Variants in GLRX3 observed in about 807,000 individuals in gnomAD.
GLRX3 encodes glutaredoxin 3, also known as glutaredoxin-3.
GLRX3 carries 22 observed loss-of-function variants against 49.5 expected under a neutral mutation model. That is an observed-to-expected ratio of 0.44 (90% CI 0.32 to 0.63). The LOEUF is 0.63. Among genes scored for constraint, GLRX3 ranks in the 30% least tolerant of loss-of-function variants. GLRX3 has a pLI of 0.05. For missense variants in GLRX3, 385 were observed against 396.3 expected, an observed-to-expected ratio of 0.97 and a Z score of 0.24; for synonymous variants, 133 against 140.0, an observed-to-expected ratio of 0.95 and a Z score of 0.35.
chr10:130,176,790 CTCTA>C (rs1444480875), intron 10 of GLRX3, among the ~76,000 whole-genome samples: 51 of 135,704 alleles, frequency 3.8e-4, no homozygotes, highest in African/African-American at 1.2e-3. Flanking sequence ...CTCTCTCTCT[CTCTA>C]TATATATATA....
intron 2 of GLRX3, among the ~76,000 whole-genome samples, chr10:130,148,236 A>T (rs1174874416): frequency 6.6e-6 from 1 of 151,838 alleles, no homozygotes; most frequent in Non-Finnish European, 1.5e-5. Flanking sequence ...AGGCTCAAGC[A>T]ATTTCTCCAC....
intron 6 of GLRX3, 28 bp from the exon 7 acceptor site, chr10:130,169,405 C>G: frequency 6.7e-7 from 1 of 1,495,722 alleles, no homozygotes; most frequent in Middle Eastern, 1.7e-4. Context: ...TTGAGCTGAG[C>G]CGTTTTATAT....
rs772072306 is a variant in GLRX3 at position 130,160,013 on chromosome 10, C to T, written c.220C>T (p.Pro74Ser). 1 of 1,594,384 alleles carries T rather than the reference C, an allele frequency of 6.3e-7. No homozygotes were observed. Among genetic ancestry groups the T allele is most frequent in the Non-Finnish European group, 8.6e-7 (1 of 1,162,156 alleles). Residue 74 changes from proline to serine, a missense_variant, in exon 3 of 11, where the codon CCT becomes TCT. Around this residue, in one of 2 missense-constraint regions of GLRX3, gnomAD observed 374 missense variants for 358.6 expected, o/e 1.04. Coordinates refer to ENST00000331244, the MANE Select transcript of GLRX3 (RefSeq NM_006541.5). ...TTTAAAGTTGGAAGCTGAAGGTGTT[C>T]CTGAAGTATCTGAAAAATATGAAAT... ...SFVKLEAEGV[P>S]EVSEKYEISS...
At chr10:130,157,577 C>T (rs1862500900) in intron 2 of GLRX3, among the ~76,000 whole-genome samples, 1 of 138,676 alleles carries the variant, frequency 7.2e-6, no homozygotes, top group Non-Finnish European at 1.5e-5. Context: ...ATGCCAGTCT[C>T]TTCCCAAAAC....
chr10:130,149,069 T>C (rs1862321947), intron 2 of GLRX3, among the ~76,000 whole-genome samples: 1 of 151,742 alleles, frequency 6.6e-6, no homozygotes, highest in Admixed American at 6.6e-5. Context: ...TAAAAAAAAA[T>C]TAAAAAGTGC....
chr10:130,149,789 T>C (rs1862336996), intron 2 of GLRX3, among the ~76,000 whole-genome samples: 2 of 151,414 alleles, frequency 1.3e-5, no homozygotes, highest in African/African-American at 4.8e-5. Flanking sequence ...TTTTTTTTTT[T>C]GGTCTCTGTG....
chr10:130,173,452 A>G (rs866829843), intron 8 of GLRX3, among the ~76,000 whole-genome samples: 2 of 152,200 alleles, frequency 1.3e-5, no homozygotes, highest in East Asian at 3.8e-4. Context: ...CGCCAAATGT[A>G]TGTGGAGAAA....
chr10:130,178,834 G>C (rs1862971318), intron 10 of GLRX3, among the ~76,000 whole-genome samples: 2 of 152,100 alleles, frequency 1.3e-5, no homozygotes, highest in Non-Finnish European at 2.9e-5. Flanking sequence ...CTCCTGAGTA[G>C]CTGGGATTAC....
chr10:130,179,237 T>G (rs1465380497), intron 10 of GLRX3, 105 bp from the exon 11 acceptor site: 1 of 622,180 alleles, frequency 1.6e-6, no homozygotes, highest in Non-Finnish European at 2.8e-6. Flanking sequence ...ATCCAATAGG[T>G]GTTTCTTTTG....
intron 8 of GLRX3, among the ~76,000 whole-genome samples, chr10:130,173,416 C>T (rs1862852924): frequency 6.6e-6 from 1 of 152,202 alleles, no homozygotes; most frequent in Non-Finnish European, 1.5e-5. Context: ...CTTCGCTTAA[C>T]ACGAGCAGAC....
intron 8 of GLRX3, among the ~76,000 whole-genome samples, chr10:130,172,951 T>C (rs1166307102): frequency 6.6e-6 from 1 of 152,128 alleles, no homozygotes; most frequent in Non-Finnish European, 1.5e-5. Context: ...AAAAAAAAGA[T>C]GTGGTTGTCG....
At chr10:130,165,580 C>T (rs1047405403) in intron 4 of GLRX3, among the ~76,000 whole-genome samples, 1 of 152,052 alleles carries the variant, frequency 6.6e-6, no homozygotes, top group African/African-American at 2.4e-5. Flanking sequence ...TACCGTCAAT[C>T]TATTGATGGT....
chr10:130,139,609 T>C (rs1273730002), intron 1 of GLRX3, among the ~76,000 whole-genome samples: 1 of 144,140 alleles, frequency 6.9e-6, no homozygotes, highest in African/African-American at 2.6e-5. Context: ...GGCACTGCAC[T>C]CCAGCCTGGA....
At chr10:130,161,615 T>C (rs1353362018) in intron 4 of GLRX3, among the ~76,000 whole-genome samples, 2 of 152,232 alleles carry the variant, frequency 1.3e-5, no homozygotes, top group Non-Finnish European at 2.9e-5. Flanking sequence ...ACATGGATGC[T>C]TATAATTTTG....
intron 4 of GLRX3, among the ~76,000 whole-genome samples, chr10:130,165,960 TG>T (rs1862676410): frequency 1.3e-5 from 2 of 152,194 alleles, no homozygotes; most frequent in South Asian, 4.1e-4. Context: ...GTCACCTTGG[TG>T]GGTGGAGGGA....
chr10:130,176,750 TTCCCTCCCTCCC>T (rs889175535), intron 10 of GLRX3, among the ~76,000 whole-genome samples: 2 of 125,976 alleles, frequency 1.6e-5, no homozygotes, highest in East Asian at 2.6e-4. Flanking sequence ...CCCTCCCTCC[TTCCCTCCCTCCC>T]TCCCTCCCTC....
chr10:130,139,483 A>G (rs1411637793), intron 1 of GLRX3, among the ~76,000 whole-genome samples: 2 of 151,860 alleles, frequency 1.3e-5, no homozygotes, highest in Non-Finnish European at 2.9e-5. Context: ...ACTAAAGAAA[A>G]TACAAAAAAT....
chr10:130,168,085 G>A (rs1375492168), intron 6 of GLRX3, among the ~76,000 whole-genome samples: 1 of 152,276 alleles, frequency 6.6e-6, no homozygotes, highest in African/African-American at 2.4e-5. Flanking sequence ...TCAGACCTCC[G>A]TTTCCTAATG....
chr10:130,142,900 C>T (rs1235255992), intron 1 of GLRX3, among the ~76,000 whole-genome samples: 1 of 152,156 alleles, frequency 6.6e-6, no homozygotes, highest in Admixed American at 6.5e-5. Flanking sequence ...GTTGATAAGC[C>T]CCCTGAGGCG....
Sources: gnomAD v4.1 joint callset for allele counts (sites outside exome capture counted in the v4.1 genomes callset) on GRCh38, gnomAD v4.1.1 for gene constraint, gnomAD v4.1.1 regional missense constraint, MANE v1.5 for transcripts, NCBI Gene and HGNC (gene_info 2026-07-23, HGNC 2026-07-21) for gene names.